MCM5: variants seen among roughly 807,000 people sequenced by gnomAD.
MCM5 encodes minichromosome maintenance complex component 5.
A neutral mutation model predicts 79.9 loss-of-function variants in MCM5; 46 were observed. That is an observed-to-expected ratio of 0.58 (90% confidence interval 0.45 to 0.74). MCM5 has a LOEUF of 0.74. Ranked by LOEUF, MCM5 falls within the 30% of genes least tolerant of loss-of-function variation. The probability of loss-of-function intolerance (pLI) is 0.00; values close to 1 mark genes in which losing one functional copy is unlikely to be tolerated. For missense variants in MCM5, 883 were observed against 1,017.0 expected, an observed-to-expected ratio of 0.87 and a Z score of 1.79; for synonymous variants, 404 against 390.5, an observed-to-expected ratio of 1.03 and a Z score of -0.41.
chr22:35,432,537 G>A, the MCM5 span, among the ~76,000 whole-genome samples: 2 of 152,230 alleles, frequency 1.3e-5, no homozygotes, highest in Admixed American at 1.3e-4. Flanking sequence ...CGTGGAGTCT[G>A]GAAGTATCTC....
rs1932012803 is a variant in MCM5 at position 35,400,567 on chromosome 22, A to G, written c.129A>G (p.Arg43=). The G allele has an allele frequency of 6.2e-7, 1 of 1,613,378 alleles. No individual in the cohort carries two copies. The highest frequency in any genetic ancestry group is 1.7e-5 in the Admixed American group (1 of 59,966). Residue 43 remains arginine, a synonymous_variant, in exon 2 of 17, where the codon CGA becomes CGG. Coordinates refer to ENST00000216122, the MANE Select transcript of MCM5 (RefSeq NM_006739.4). ...RRFKEFLRQY[R]VGTDRTGFTF... is the part of the protein sequence containing the mutation. ...TCAAGGAGTTCCTGCGGCAGTACCG[A>G]GTGGGCACCGACCGCACGGGCTTCA...
the MCM5 span, among the ~76,000 whole-genome samples, chr22:35,433,796 T>C: frequency 6.6e-6 from 1 of 151,474 alleles, no homozygotes; most frequent in Non-Finnish European, 1.5e-5. Flanking sequence ...CCATCCCTCC[T>C]CAGAGGCACT....
chr22:35,423,038 G>A, intron 15 of MCM5, 176 bp from the exon 16 acceptor site: 1 of 513,296 alleles, frequency 1.9e-6, no homozygotes, highest in South Asian at 3.7e-5. Flanking sequence ...GTCCCCACAT[G>A]TGCCATATCC....
the MCM5 span, among the ~76,000 whole-genome samples, chr22:35,445,745 A>G: frequency 6.6e-6 from 1 of 152,148 alleles, no homozygotes; most frequent in African/African-American, 2.4e-5. Flanking sequence ...TCCTGACCTC[A>G]GGTGATCGGC....
chr22:35,437,681 C>G, the MCM5 span, among the ~76,000 whole-genome samples: 1 of 152,168 alleles, frequency 6.6e-6, no homozygotes, highest in Non-Finnish European at 1.5e-5. Context: ...CAGAAAGGGC[C>G]ATACCTAGCC....
At chr22:35,437,700 G>A in the MCM5 span, among the ~76,000 whole-genome samples, 2 of 152,188 alleles carry the variant, frequency 1.3e-5, no homozygotes, top group South Asian at 4.2e-4. Flanking sequence ...CCATGAGTCG[G>A]GGTGTCACAA....
the MCM5 span, among the ~76,000 whole-genome samples, chr22:35,443,605 C>G: frequency 1.3e-5 from 2 of 152,234 alleles, no homozygotes; most frequent in Non-Finnish European, 2.9e-5. Context: ...CACCCTTGGG[C>G]TGTGCCTTCT....
In MCM5 at chr22:35,413,737, C is replaced by T. The variant is rs191070302; in HGVS notation, c.1092-138C>T. 70 of 637,018 alleles carry T rather than the reference C, an allele frequency of 1.1e-4. No individual in the cohort carries two copies. The East Asian group carries it at 1.8e-3, about 16-fold the overall frequency. 39.5% of individuals were successfully genotyped at this position (637,018 alleles called of 1,614,324 possible). A position where few individuals can be genotyped will look rare whatever the true frequency, so the allele number is the denominator to read the frequency against. On this transcript the variant is annotated intron_variant, in intron 8 of 16. Transcript: ENST00000216122. ...GGGTAGGAACATGGGTCTCAGGCCA[C>T]AGCCACTACCTTCTTACCAACTCTG...
At chr22:35,406,402 A>T in intron 4 of MCM5, 151 bp from the exon 5 acceptor site, 1 of 584,142 alleles carries the variant, frequency 1.7e-6, no homozygotes, top group Non-Finnish European at 2.9e-6. Context: ...GATGCTCTGG[A>T]AGCATTTTTT....
intron 4 of MCM5, among the ~76,000 whole-genome samples, chr22:35,404,292 C>T (rs1342572532): frequency 2.0e-5 from 3 of 152,228 alleles, no homozygotes; most frequent in Non-Finnish European, 4.4e-5. Context: ...GTGTCTCAGC[C>T]AGGACCAGGC....
chr22:35,400,189 T>C lies in MCM5; in HGVS notation c.-28T>C, dbSNP rs1318789887. 4 of 520,124 alleles carry C rather than the reference T, an allele frequency of 7.7e-6. No individual in the cohort carries two copies. The South Asian group carries it at 8.2e-5, about 11-fold the overall frequency. 32.2% of individuals were successfully genotyped at this position (520,124 alleles called of 1,614,324 possible). On this transcript the variant is annotated 5_prime_UTR_variant, in exon 1 of 17. Coordinates refer to ENST00000216122, the MANE Select transcript of MCM5 (RefSeq NM_006739.4). ...GGAGGTTCTTGTCTCCCCTGGTTTGTGAAGTGCGGAAAACCAGAGGTGAGG... is the reference window on the plus strand; with the variant it reads ...GGAGGTTCTTGTCTCCCCTGGTTTGCGAAGTGCGGAAAACCAGAGGTGAGG...
Position 35,415,825 on chromosome 22 carries a change from C to T in MCM5, c.1204-4C>T. 6.2e-7 allele frequency: 1 copy of T among 1,610,768 alleles called. No homozygotes were observed. Among genetic ancestry groups the T allele is most frequent in the South Asian group, 1.1e-5 (1 of 91,010 alleles). ...TGGGCCCTGACACCACCCCACTGCC[C>T]CAGGTATACACGTCTGGGAAAGGCA... On this transcript the variant is annotated splice_region_variant and splice_polypyrimidine_tract_variant and intron_variant, in intron 9 of 16. Coordinates refer to ENST00000216122, the MANE Select transcript of MCM5 (RefSeq NM_006739.4).
the MCM5 span, among the ~76,000 whole-genome samples, chr22:35,449,309 C>T: frequency 9.2e-5 from 14 of 152,230 alleles, no homozygotes; most frequent in African/African-American, 3.4e-4. Context: ...AAATGAATCG[C>T]TGTGTCTTTG....
the MCM5 span, among the ~76,000 whole-genome samples, chr22:35,441,055 CAAA>C: frequency 3.1e-5 from 3 of 96,150 alleles, no homozygotes; most frequent in Admixed American, 2.2e-4. Flanking sequence ...GAAACTCTGT[CAAA>C]AAAAAAAAAA....
chr22:35,452,970 G>A, the MCM5 span, among the ~76,000 whole-genome samples: 1 of 152,124 alleles, frequency 6.6e-6, no homozygotes, highest in African/African-American at 2.4e-5. Flanking sequence ...TGCAGATGAG[G>A]AAACTGAGGC....
chr22:35,447,598 G>A, the MCM5 span, among the ~76,000 whole-genome samples: 4 of 152,056 alleles, frequency 2.6e-5, no homozygotes, highest in African/African-American at 4.8e-5. Context: ...TCAGCCTCCC[G>A]AGTAGCTGGG....
chr22:35,447,194 A>T, the MCM5 span, among the ~76,000 whole-genome samples: 2 of 151,974 alleles, frequency 1.3e-5, no homozygotes, highest in Admixed American at 1.3e-4. Context: ...AGGATTCGAC[A>T]TGAAGCTGTG....
At chr22:35,453,200 G>A in the MCM5 span, among the ~76,000 whole-genome samples, 3 of 152,208 alleles carry the variant, frequency 2.0e-5, no homozygotes, top group Non-Finnish European at 2.9e-5. Flanking sequence ...CAGACACGCA[G>A]CCTCCCTGGG....
intron 5 of MCM5, among the ~76,000 whole-genome samples, chr22:35,407,785 G>A (rs146319977): frequency 6.6e-6 from 1 of 152,306 alleles, no homozygotes; most frequent in Non-Finnish European, 1.5e-5. Flanking sequence ...GCATGTAGCT[G>A]TCACTCTTTA....
Sources: allele counts gnomAD v4.1 joint callset (sites outside exome capture counted in the v4.1 genomes callset), GRCh38; gene constraint gnomAD v4.1.1; transcripts MANE v1.5; gene names NCBI Gene and HGNC (gene_info 2026-07-23, HGNC 2026-07-21).